Variants in APIP observed in about 807,000 individuals in gnomAD.
The protein encoded by APIP is APAF1 interacting protein, also known as methylthioribulose-1-phosphate dehydratase.
Under a neutral mutation model 32.0 loss-of-function variants are expected in APIP, and 32 were observed. That is an observed-to-expected ratio of 1.00 (90% CI 0.76 to 1.34). The LOEUF is 1.34. Among genes scored for constraint, APIP ranks in the 40% most tolerant of loss-of-function variants. APIP has a pLI of 0.00. For synonymous variants in APIP, 92 were observed against 94.8 expected (o/e 0.97, Z 0.17); for missense variants, 247 against 298.6 (o/e 0.83, Z 1.27).
rs574030154 is a variant in APIP, at chr11:34,890,328, G to A, written c.207+176C>T. Among the ~76,000 whole-genome samples, 15 of 152,258 alleles carry A rather than the reference G, an allele frequency of 9.9e-5. No individual in the cohort carries two copies. The South Asian group carries it at 2.9e-3, about 29-fold the overall frequency. ...TGAGATTTCAAAACATACACCGGTTGTATGGAAGATATCTACCACCTTACA... is the reference window on the plus strand; with the variant it reads ...TGAGATTTCAAAACATACACCGGTTATATGGAAGATATCTACCACCTTACA... On this transcript the variant is annotated intron_variant, in intron 3 of 6. Coordinates refer to ENST00000395787, the MANE Select transcript of APIP (RefSeq NM_015957.4).
chr11:34,897,565 G>GTTTT (rs61026220), intron 1 of APIP, among the ~76,000 whole-genome samples: 1 of 148,108 alleles, frequency 6.8e-6, no homozygotes, highest in Non-Finnish European at 1.5e-5. Context: ...GCTTAGTAAG[G>GTTTT]TTTTTTTTTT....
chr11:34,911,722 C>T (rs1186882970), intron 1 of APIP, among the ~76,000 whole-genome samples: 1 of 152,158 alleles, frequency 6.6e-6, no homozygotes, highest in African/African-American at 2.4e-5. Flanking sequence ...TAAAACAGGG[C>T]ATATGCTGGC....
At chr11:34,897,328 G>T (rs1031157632) in intron 1 of APIP, among the ~76,000 whole-genome samples, 3 of 152,170 alleles carry the variant, frequency 2.0e-5, no homozygotes, top group Non-Finnish European at 4.4e-5. Context: ...ATGACTTTGG[G>T]TGTCAGTTTA....
intron 1 of APIP, among the ~76,000 whole-genome samples, chr11:34,905,978 C>T (rs1414719418): frequency 6.6e-6 from 1 of 152,186 alleles, no homozygotes; most frequent in African/African-American, 2.4e-5. Flanking sequence ...CTCCATTTGT[C>T]AGGTGGACGC....
chr11:34,901,844 TC>T (rs1371628701), intron 1 of APIP, among the ~76,000 whole-genome samples: 2 of 152,142 alleles, frequency 1.3e-5, no homozygotes, highest in African/African-American at 4.8e-5. Flanking sequence ...TCCAGATCTA[TC>T]TTAAGGATCT....
At chr11:34,897,685 C>T (rs1295298371) in intron 1 of APIP, among the ~76,000 whole-genome samples, 1 of 152,078 alleles carries the variant, frequency 6.6e-6, no homozygotes, top group African/African-American at 2.4e-5. Flanking sequence ...AAACCGGGTC[C>T]ATCCAATATG....
At chr11:34,889,662 T>G (rs1016601220) in intron 3 of APIP, among the ~76,000 whole-genome samples, 2 of 152,110 alleles carry the variant, frequency 1.3e-5, no homozygotes, top group Non-Finnish European at 2.9e-5. Context: ...TAGGTCCCAG[T>G]GTGTATTGCT....
At chr11:34,884,940 A>G (rs908672211) in intron 5 of APIP, among the ~76,000 whole-genome samples, 1 of 151,930 alleles carries the variant, frequency 6.6e-6, no homozygotes, top group African/African-American at 2.4e-5. Context: ...ACACTGATCC[A>G]GACAAGTTAA....
chr11:34,900,837 ACCAGGGCCAAAC>A (rs1289039196), intron 1 of APIP, among the ~76,000 whole-genome samples: 1 of 152,024 alleles, frequency 6.6e-6, no homozygotes, highest in African/African-American at 2.4e-5. Context: ...CCCATGGAAA[ACCAGGGCCAAAC>A]CTCTCAATTA....
intron 5 of APIP, among the ~76,000 whole-genome samples, chr11:34,884,566 A>G (rs1030819769): frequency 4.6e-5 from 7 of 152,168 alleles, no homozygotes; most frequent in African/African-American, 1.7e-4. Context: ...CTGTACAAAA[A>G]ATACAAAAAT....
rs1434689880 is a variant in APIP at position 34,890,570 on chromosome 11, A to T, written c.159-18T>A. The stretch of plus-strand genomic sequence containing the variant: ...TTTCATCGCTGGCAACACAAAACAT[A>T]CAAATTGGTATTTATTTATTTCCTG... On this transcript the variant is annotated intron_variant, in intron 2 of 6. Coordinates refer to ENST00000395787, the MANE Select transcript of APIP (RefSeq NM_015957.4). 1 of 1,608,426 alleles carries T rather than the reference A, an allele frequency of 6.2e-7. No homozygotes were observed. The highest frequency in any genetic ancestry group is 2.2e-5 in the East Asian group (1 of 44,638).
chr11:34,900,585 T>C (rs1565137342), intron 1 of APIP, among the ~76,000 whole-genome samples: 1 of 152,110 alleles, frequency 6.6e-6, no homozygotes. Context: ...TGCTGCTACG[T>C]CAGACCCTCA....
chr11:34,913,509 A>C (rs559721262), intron 1 of APIP, among the ~76,000 whole-genome samples: 1 of 151,990 alleles, frequency 6.6e-6, no homozygotes, highest in Non-Finnish European at 1.5e-5. Context: ...GGTGGCACGC[A>C]GGTTGTTCGT....
chr11:34,900,719 C>T (rs764548322), intron 1 of APIP, among the ~76,000 whole-genome samples: 4 of 152,058 alleles, frequency 2.6e-5, no homozygotes, highest in Non-Finnish European at 5.9e-5. Flanking sequence ...GTGGAAACTC[C>T]ATTCCTACTA....
At chr11:34,888,967 A>C (rs1258158686) in intron 3 of APIP, 98 bp from the exon 4 acceptor site, 1 of 629,136 alleles carries the variant, frequency 1.6e-6, no homozygotes, top group Non-Finnish European at 2.5e-6. Flanking sequence ...AATACAAGAA[A>C]GTTTATCTAT....
chr11:34,888,299 T>A lies in APIP; in HGVS notation c.455A>T (p.Tyr152Phe). 6.3e-7 allele frequency: 1 copy of A among 1,589,478 alleles called. No homozygotes were observed. The change falls in exon 5 of 7, where the codon TAT becomes TTT. Residue 152 changes from tyrosine (Y) to phenylalanine (F), a missense_variant. Tyr to Phe is a conservative substitution (Grantham distance 22). Transcript: ENST00000395787. The stretch of plus-strand genomic sequence containing the variant: ...AAAAAGGAAAAAAAAATACCTATAA[T>A]ACCCTCCGGAAGTACATTTCTTTAT... The part of the protein sequence containing the change: ...KGIKKCTSGG[Y>F]YRYDDMLVVP...
intron 1 of APIP, among the ~76,000 whole-genome samples, chr11:34,902,785 A>G (rs1186901966): frequency 6.6e-6 from 1 of 152,138 alleles, no homozygotes; most frequent in African/African-American, 2.4e-5. Flanking sequence ...GAAGGCCTTC[A>G]ATCTGTATGT....
In APIP at chr11:34,895,020, A is replaced by G. The variant is rs766856746; in HGVS notation, c.148T>C (p.Leu50=). Residue 50 remains leucine, a synonymous_variant, in exon 2 of 7, where the codon TTG becomes CTG. Transcript: ENST00000395787. ...WVTGTGGGIS[L]KHGDEIYIAP... is the part of the protein sequence containing the mutation. ...CTGCCAGAAACTTACCCATGCTTCA[A>G]GCTAATTCCTCCTCCAGTCCCAGTG... The G allele has an allele frequency of 2.5e-5, 40 of 1,613,862 alleles. No individual in the cohort carries two copies. In the Admixed American group the frequency reaches 3.5e-4, roughly 14 times the overall value.
intron 5 of APIP, among the ~76,000 whole-genome samples, chr11:34,884,959 G>A (rs1274012784): frequency 6.6e-6 from 1 of 151,814 alleles, no homozygotes; most frequent in South Asian, 2.1e-4. Context: ...AAATGAGAAA[G>A]AGAGCCAGGA....
Sources: gnomAD v4.1 joint callset for allele counts (sites outside exome capture counted in the v4.1 genomes callset) on GRCh38, gnomAD v4.1.1 for gene constraint, MANE v1.5 for transcripts, NCBI Gene and HGNC (gene_info 2026-07-23, HGNC 2026-07-21) for gene names.